The following CSNK1D variants were observed in gnomAD, a reference collection of about 807,000 sequenced individuals.
CSNK1D encodes the protein casein kinase I isoform delta.
CSNK1D carries 16 observed loss-of-function variants against 46.6 expected under a neutral mutation model. The observed-to-expected ratio is 0.34, with a 90% CI of 0.23 to 0.52. The LOEUF (loss-of-function observed/expected upper bound fraction) is 0.52, where lower values mean the gene tolerates loss of function less well. Ranked by LOEUF, CSNK1D falls within the 20% of genes least tolerant of loss-of-function variation. The pLI is 0.95. For synonymous variants in CSNK1D, 276 were observed against 228.2 expected (o/e 1.21, Z -1.89); for missense variants, 398 against 578.4 (o/e 0.69, Z 3.20).
At position 82,255,181 on chromosome 17, in the gene CSNK1D, G is replaced by C. The variant is rs867433238; in HGVS notation, c.336+248C>G. 5.3e-5 allele frequency: 28 copies of C among 527,262 alleles called. No homozygotes were observed. Among genetic ancestry groups the C allele is most frequent in the African/African-American group, 4.1e-4 (20 of 48,734 alleles). The allele number at this position is 527,262 out of a possible 1,614,324, so 32.7% of individuals were successfully genotyped here. ...GCCGCCGGAGCCTCGAGAAGCCAGT[G>C]AGCTGGGCCGCCGGAGCCTCGAGAA... On this transcript the variant is annotated intron_variant, in intron 3 of 8. Transcript: ENST00000314028. The surrounding 1 kb of genome is among the most constrained non-coding windows in gnomAD (Gnocchi z 5.9).
At position 82,248,113 on chromosome 17, in the gene CSNK1D, C is replaced by A. The variant is rs932301391; in HGVS notation, c.1197+762G>T. 3.5e-5 allele frequency: 34 copies of A among 985,406 alleles called. No homozygotes were observed. The highest frequency in any genetic ancestry group is 4.1e-5 in the Non-Finnish European group (34 of 829,896). 61.0% of individuals were successfully genotyped at this position (985,406 alleles called of 1,614,324 possible). A position where few individuals can be genotyped will look rare whatever the true frequency, so the allele number is the denominator to read the frequency against. ...GGAAGACCCGTGGGGGATCTGGGCA[C>A]CCCCCAGGATGCCTGCTGGTGAAAC... On this transcript the variant is annotated intron_variant, in intron 8 of 8. Coordinates refer to ENST00000314028, the MANE Select transcript of CSNK1D (RefSeq NM_001893.6). The surrounding 1 kb of genome is among the most constrained non-coding windows in gnomAD (Gnocchi z 4.1).
At chr17:82,269,975 T>C (rs577225253) in intron 1 of CSNK1D, among the ~76,000 whole-genome samples, 1 of 152,350 alleles carries the variant, frequency 6.6e-6, no homozygotes, top group African/African-American at 2.4e-5. Flanking sequence ...CCACACCACA[T>C]GGACACGGAT....
At chr17:82,260,491 C>G (rs2051305906) in intron 2 of CSNK1D, among the ~76,000 whole-genome samples, 1 of 142,804 alleles carries the variant, frequency 7.0e-6, no homozygotes, top group Admixed American at 7.1e-5. Flanking sequence ...TGATGGTGTA[C>G]TGACTGATGT....
At chr17:82,269,325 CTTGAG>C (rs2051559236) in intron 1 of CSNK1D, among the ~76,000 whole-genome samples, 1 of 152,116 alleles carries the variant, frequency 6.6e-6, no homozygotes, top group South Asian at 2.1e-4. Context: ...ATTACAGATG[CTTGAG>C]TTAAGGAGAG....
Position 82,242,712 on chromosome 17 carries a change from G to C in CSNK1D, c.*2069C>G. ...ATTTATTATTTACACGATTGTTAAA[G>C]TACACAAATACAGTGGCGATACAAA... On this transcript the variant is annotated 3_prime_UTR_variant, in exon 9 of 9. Coordinates refer to ENST00000314028, the MANE Select transcript of CSNK1D (RefSeq NM_001893.6). 1 of 985,418 alleles carries C rather than the reference G, an allele frequency of 1.0e-6. No individual in the cohort carries two copies. The highest frequency in any genetic ancestry group is 4.7e-5 in the South Asian group (1 of 21,296). 61.0% of individuals were successfully genotyped at this position (985,418 alleles called of 1,614,324 possible). A position where few individuals can be genotyped will look rare whatever the true frequency, so the allele number is the denominator to read the frequency against.
At chr17:82,258,813 C>T (rs1466326812) in intron 2 of CSNK1D, among the ~76,000 whole-genome samples, 1 of 152,200 alleles carries the variant, frequency 6.6e-6, no homozygotes, top group Non-Finnish European at 1.5e-5. Flanking sequence ...ACTTAGAAAC[C>T]CCTGAGGCCC....
In CSNK1D at chr17:82,273,505, G is replaced by A. The variant is rs1005162665; in HGVS notation, c.-124C>T. 1.3e-5 allele frequency: 15 copies of A among 1,188,572 alleles called. No individual in the cohort carries two copies. In the African/African-American group the frequency reaches 2.0e-4, roughly 16 times the overall value. 73.6% of individuals were successfully genotyped at this position (1,188,572 alleles called of 1,614,324 possible). A position where few individuals can be genotyped will look rare whatever the true frequency, so the allele number is the denominator to read the frequency against. On this transcript the variant is annotated 5_prime_UTR_variant, in exon 1 of 9. Coordinates refer to ENST00000314028, the MANE Select transcript of CSNK1D (RefSeq NM_001893.6). The surrounding 1 kb of genome is among the most constrained non-coding windows in gnomAD (Gnocchi z 5.1). ...CCGGCTCCGCCCCCCTCACGGCCCC[G>A]CTTTCACCATCGCTTTCCTGTCGCC...
rs772785541 is a variant in CSNK1D, at chr17:82,273,412, C to T, written c.-31G>A. The T allele has an allele frequency of 6.2e-7, 1 of 1,609,422 alleles. No homozygotes were observed. The highest frequency in any genetic ancestry group is 8.5e-7 in the Non-Finnish European group (1 of 1,178,866). ...CGGCGGCCCGATTCGCTCCTGCCCT[C>T]CCGGCCGCTTCCTGGGTCTGAACTC... is the stretch of plus-strand genomic sequence containing the variant. On this transcript the variant is annotated 5_prime_UTR_variant, in exon 1 of 9. Transcript: ENST00000314028. The surrounding 1 kb of genome is among the most constrained non-coding windows in gnomAD (Gnocchi z 5.1).
intron 1 of CSNK1D, among the ~76,000 whole-genome samples, chr17:82,271,572 C>T (rs1567822139): frequency 6.6e-6 from 1 of 152,166 alleles, no homozygotes; most frequent in Non-Finnish European, 1.5e-5. Context: ...GTTTAATAGC[C>T]AAACCCAAAT....
intron 2 of CSNK1D, among the ~76,000 whole-genome samples, chr17:82,264,613 C>T (rs1464643073): frequency 1.3e-5 from 2 of 151,990 alleles, no homozygotes; most frequent in Non-Finnish European, 2.9e-5. Context: ...AAAACGAGCC[C>T]AGAGAGTATG....
chr17:82,243,778 G>A lies in CSNK1D; in HGVS notation c.*1003C>T, dbSNP rs1037427942. 1.0e-6 allele frequency: 1 copy of A among 985,466 alleles called. No homozygotes were observed. Among genetic ancestry groups the A allele is most frequent in the South Asian group, 4.7e-5 (1 of 21,284 alleles). 61.0% of individuals were successfully genotyped at this position (985,466 alleles called of 1,614,324 possible). A position where few individuals can be genotyped will look rare whatever the true frequency, so the allele number is the denominator to read the frequency against. ...TCCGCACAGGAGCATTGAGTGCTGA[G>A]AAAATGGACTGAGTGCAAAGGCAGC... is the stretch of plus-strand genomic sequence containing the variant. On this transcript the variant is annotated 3_prime_UTR_variant, in exon 9 of 9. Transcript: ENST00000314028.
chr17:82,239,039 A>G (rs1461044242), downstream of CSNK1D: 3 of 1,457,668 alleles, frequency 2.1e-6, no homozygotes, highest in Non-Finnish European at 2.7e-6. Context: ...CTTGCTATTT[A>G]TTTTACAAAC....
At chr17:82,259,892 G>A (rs1408642827) in intron 2 of CSNK1D, among the ~76,000 whole-genome samples, 1 of 152,194 alleles carries the variant, frequency 6.6e-6, no homozygotes, top group Non-Finnish European at 1.5e-5. Context: ...TGATCCATCT[G>A]AACTGATGGT....
intron 1 of CSNK1D, among the ~76,000 whole-genome samples, chr17:82,268,996 T>C (rs1599621403): frequency 1.3e-5 from 2 of 149,892 alleles, no homozygotes; most frequent in African/African-American, 4.9e-5. Flanking sequence ...ACTCAGGAGG[T>C]TGATGCGGAA....
chr17:82,239,886 G>T, downstream of CSNK1D: 1 of 749,446 alleles, frequency 1.3e-6, no homozygotes, highest in South Asian at 6.8e-5. Context: ...CCCAGCGCTT[G>T]GGCTTGTCCT....
Position 82,273,053 on chromosome 17 carries a change from T to TC in CSNK1D, c.76+252dup. The TC allele has an allele frequency of 2.8e-6, 1 of 356,090 alleles. No homozygotes were observed. Among genetic ancestry groups the TC allele is most frequent in the Non-Finnish European group, 5.1e-6 (1 of 195,408 alleles). The allele number at this position is 356,090 out of a possible 1,614,324, so 22.1% of individuals were successfully genotyped here. A position where few individuals can be genotyped will look rare whatever the true frequency, so the allele number is the denominator to read the frequency against. On this transcript the variant is annotated intron_variant, in intron 1 of 8. Coordinates refer to ENST00000314028, the MANE Select transcript of CSNK1D (RefSeq NM_001893.6). The surrounding 1 kb of genome is among the most constrained non-coding windows in gnomAD (Gnocchi z 5.1). ...CGGGTCAGCTCCCCTATCCCCTCCT[T>TC]CCCCAACCCTCCCCTCTCCAGACCC... is the stretch of plus-strand genomic sequence containing the variant.
intron 1 of CSNK1D, among the ~76,000 whole-genome samples, chr17:82,266,017 A>G (rs547498195): frequency 6.6e-6 from 1 of 152,300 alleles, no homozygotes; most frequent in Admixed American, 6.5e-5. Context: ...ACTGCACAGA[A>G]AGTTTATGTG....
intron 2 of CSNK1D, among the ~76,000 whole-genome samples, chr17:82,264,043 T>C (rs1332118260): frequency 3.9e-5 from 6 of 152,248 alleles, no homozygotes; most frequent in East Asian, 3.8e-4. Flanking sequence ...CAAAGATATT[T>C]TGTGTCACAT....
At chr17:82,272,284 C>G (rs112200862) in intron 1 of CSNK1D, 21 of 153,048 alleles carry the variant, frequency 1.4e-4, no homozygotes, top group African/African-American at 4.6e-4. Context: ...GCAGAGGTTG[C>G]GGTGAGCCGA....
Sources: allele counts gnomAD v4.1 joint callset (sites outside exome capture counted in the v4.1 genomes callset), GRCh38; gene constraint gnomAD v4.1.1; non-coding constraint Gnocchi (gnomAD v3.1); transcripts MANE v1.5; gene names NCBI Gene and HGNC (gene_info 2026-07-23, HGNC 2026-07-21).